The following ZNF420 variants were observed in gnomAD, a reference collection of about 807,000 sequenced individuals.
ZNF420 encodes the protein ATM and p53-associated KZNF protein.
A neutral mutation model predicts 44.7 loss-of-function variants in ZNF420; 31 were observed. That is an observed-to-expected ratio of 0.69 (90% confidence interval 0.52 to 0.94). ZNF420 has a LOEUF of 0.94. Among genes scored for constraint, ZNF420 ranks in the 40% least tolerant of loss-of-function variants. The pLI is 0.00. For synonymous variants in ZNF420, 245 were observed against 267.4 expected (o/e 0.92, Z 0.82); for missense variants, 681 against 827.9 (o/e 0.82, Z 2.18).
chr19:37,027,663 A>G (rs1377861935), intron 1 of ZNF420, among the ~76,000 whole-genome samples: 8 of 152,196 alleles, frequency 5.3e-5, no homozygotes, highest in African/African-American at 1.7e-4. Flanking sequence ...ATTTTATATA[A>G]TTGGAACTAT....
At chr19:37,027,351 C>T (rs1967177180) in intron 1 of ZNF420, among the ~76,000 whole-genome samples, 1 of 152,164 alleles carries the variant, frequency 6.6e-6, no homozygotes, top group South Asian at 2.1e-4. Context: ...CCCCCTCACA[C>T]CATAGTACAC....
Position 37,091,064 on chromosome 19 carries a change from CAGAGAGATTTGTATAG to C in ZNF420, c.83_98del (p.Arg28MetfsTer2). On this transcript the variant is annotated frameshift_variant, in exon 4 of 5. Coordinates refer to ENST00000337995, the MANE Select transcript of ZNF420 (RefSeq NM_144689.5). LOFTEE classifies it high-confidence loss of function. ...AGAGTGGGAATGCCTGGACTCTGCT[CAGAGAGATTTGTATAG>C]AGATGTGATGTTGGAGAACTATAGC... 1 of 1,613,072 alleles carries C rather than the reference CAGAGAGATTTGTATAG, an allele frequency of 6.2e-7. No individual in the cohort carries two copies. The highest frequency in any genetic ancestry group is 8.5e-7 in the Non-Finnish European group (1 of 1,179,732).
chr19:37,062,407 A>G (rs1260711449), intron 1 of ZNF420, among the ~76,000 whole-genome samples: 1 of 152,186 alleles, frequency 6.6e-6, no homozygotes, highest in Non-Finnish European at 1.5e-5. Context: ...TTGCCAAAGT[A>G]TTTTACTTCG....
In ZNF420 at chr19:37,127,132, G is replaced by T; in HGVS notation, c.141G>T (p.Leu47Phe). The T allele has an allele frequency of 6.8e-7, 1 of 1,462,704 alleles. No homozygotes were observed. Among genetic ancestry groups the T allele is most frequent in the Non-Finnish European group, 9.0e-7 (1 of 1,105,186 alleles). The allele number at this position is 1,462,704 out of a possible 1,614,324, so 90.6% of individuals were successfully genotyped here. The change falls in exon 5 of 5, where the codon TTG becomes TTT. Residue 47 changes from leucine (L) to phenylalanine (F), a missense_variant. Leu to Phe is a conservative substitution (Grantham distance 22). Transcript: ENST00000337995. ...TTATTCTCTCTTATCTTTCAGACTT[G>T]CCTTCAAGGTGTGCAAGTAAGGACT... ...ENYSNLVSLDLPSRCASKDLS... is the reference protein window; with the variant it reads ...ENYSNLVSLDFPSRCASKDLS...
At chr19:37,080,595 A>C (rs974848804) in intron 2 of ZNF420, among the ~76,000 whole-genome samples, 1 of 152,224 alleles carries the variant, frequency 6.6e-6, no homozygotes, top group Non-Finnish European at 1.5e-5. Flanking sequence ...TTTGAGACTC[A>C]TGGATTTAAA....
chr19:37,096,902 C>CTT (rs1320093092), intron 4 of ZNF420, among the ~76,000 whole-genome samples: 2,698 of 142,012 alleles, frequency 0.019, 73 homozygotes, highest in East Asian at 0.051. Context: ...TTTTCTTATT[C>CTT]TTTTTTTTTT....
At chr19:37,117,659 G>T (rs1031892159) in intron 4 of ZNF420, among the ~76,000 whole-genome samples, 1 of 152,142 alleles carries the variant, frequency 6.6e-6, no homozygotes, top group South Asian at 2.1e-4. Context: ...GGCTTCAGAC[G>T]ATCAAACTAC....
In ZNF420 at chr19:37,127,346, A is replaced by G; in HGVS notation, c.355A>G (p.Ile119Val). Residue 119 changes from isoleucine to valine, a missense_variant, in exon 5 of 5, where the codon ATT (isoleucine) becomes GTT (valine). Coordinates refer to ENST00000337995, the MANE Select transcript of ZNF420 (RefSeq NM_144689.5). ...QGMIIYDKMS[I>V]FNQHTYLSQH... ...GATGATCATATATGACAAAATGTCC[A>G]TTTTCAACCAGCATACTTACTTATC... is the stretch of plus-strand genomic sequence containing the variant. 6.2e-7 allele frequency: 1 copy of G among 1,611,234 alleles called. No homozygotes were observed. The highest frequency in any genetic ancestry group is 8.5e-7 in the Non-Finnish European group (1 of 1,177,838).
chr19:37,036,944 T>C (rs534331141), intron 1 of ZNF420, among the ~76,000 whole-genome samples: 1 of 152,250 alleles, frequency 6.6e-6, no homozygotes, highest in Non-Finnish European at 1.5e-5. Context: ...TCAGATTCTT[T>C]GGTGCTCTGC....
intron 4 of ZNF420, among the ~76,000 whole-genome samples, chr19:37,113,564 T>A (rs1220098557): frequency 1.3e-5 from 2 of 152,190 alleles, no homozygotes; most frequent in African/African-American, 4.8e-5. Flanking sequence ...TCATTGGTAA[T>A]TGACTTTTGA....
chr19:37,117,899 GAAGC>G (rs1263804877), intron 4 of ZNF420, among the ~76,000 whole-genome samples: 2 of 152,162 alleles, frequency 1.3e-5, no homozygotes, highest in Non-Finnish European at 2.9e-5. Context: ...TGAATGAAAT[GAAGC>G]AAGAAGAGAA....
upstream of ZNF420, chr19:37,078,296 C>T (rs1968220720): frequency 6.6e-6 from 1 of 152,208 alleles, no homozygotes; most frequent in Admixed American, 6.5e-5. Flanking sequence ...GAGGGGTGAG[C>T]GGCCCGGGCC....
At chr19:37,052,785 G>T (rs544480400) in intron 1 of ZNF420, among the ~76,000 whole-genome samples, 67 of 152,270 alleles carry the variant, frequency 4.4e-4, no homozygotes, top group African/African-American at 1.5e-3. Flanking sequence ...CTCTCTGGCT[G>T]CCCTTAACAT....
chr19:37,040,094 C>A (rs1308206574), intron 1 of ZNF420, among the ~76,000 whole-genome samples: 1 of 152,174 alleles, frequency 6.6e-6, no homozygotes, highest in East Asian at 1.9e-4. Context: ...ATGGCATTTT[C>A]TTCCAATAGA....
At chr19:37,116,667 C>T (rs937384354) in intron 4 of ZNF420, among the ~76,000 whole-genome samples, 9 of 152,258 alleles carry the variant, frequency 5.9e-5, no homozygotes, top group African/African-American at 2.2e-4. Context: ...TTACCTCACT[C>T]AGTAAGTGCA....
rs1970688431 is a variant in ZNF420 at position 37,116,393 on chromosome 19, A to G, written c.137-10735A>G. Among the ~76,000 whole-genome samples, 3 of 150,672 alleles carry G rather than the reference A, an allele frequency of 2.0e-5. No homozygotes were observed. The South Asian group carries it at 6.3e-4, about 31-fold the overall frequency. ...CAAAAAAAAAAAAAAAAAAAAAAGA[A>G]TGCACCATTTCGCCTCATCTCTCAG... On this transcript the variant is annotated intron_variant, in intron 4 of 4. Transcript: ENST00000337995.
intron 1 of ZNF420, among the ~76,000 whole-genome samples, chr19:37,036,001 T>C (rs1194889293): frequency 6.6e-6 from 1 of 152,196 alleles, no homozygotes; most frequent in Non-Finnish European, 1.5e-5. Flanking sequence ...TCTAAGCCCA[T>C]GGTTCACCAT....
chr19:37,127,226 T>C lies in ZNF420; in HGVS notation c.235T>C (p.Cys79Arg). The change falls in exon 5 of 5, where the codon TGT (cysteine) becomes CGT (arginine). Residue 79 changes from cysteine to arginine, a missense_variant. Cys to Arg is a radical substitution (Grantham distance 180, BLOSUM62 -3). This residue lies in a region of ZNF420 where 350 missense variants were observed against 382.5 expected (regional missense o/e 0.92). Coordinates refer to ENST00000337995, the MANE Select transcript of ZNF420 (RefSeq NM_144689.5). ...GGAAATGAGTGACAGACTTGAAAAC[T>C]GTGATCTTGAAGAGTCCAATTCCAG... Reference protein sequence around the residue: ...QWEMSDRLENCDLEESNSRDY... With the variant: ...QWEMSDRLENRDLEESNSRDY... 1 of 1,608,548 alleles carries C rather than the reference T, an allele frequency of 6.2e-7. No homozygotes were observed. Among genetic ancestry groups the C allele is most frequent in the Non-Finnish European group, 8.5e-7 (1 of 1,177,756 alleles).
intron 4 of ZNF420, among the ~76,000 whole-genome samples, chr19:37,095,154 T>G (rs988967661): frequency 6.6e-6 from 1 of 150,556 alleles, no homozygotes; most frequent in East Asian, 1.9e-4. Flanking sequence ...AAAAGAAATA[T>G]CTTTGTTGAT....
Sources: allele counts gnomAD v4.1 joint callset (sites outside exome capture counted in the v4.1 genomes callset), GRCh38; gene constraint gnomAD v4.1.1; regional missense constraint gnomAD v4.1.1; transcripts MANE v1.5; gene names NCBI Gene and HGNC (gene_info 2026-07-23, HGNC 2026-07-21).